The following POLR2F variants were observed in gnomAD, a reference collection of about 807,000 sequenced individuals.
POLR2F encodes the protein DNA-directed RNA polymerases I, II, and III subunit RPABC2.
POLR2F carries 12 observed loss-of-function variants against 22.7 expected under a neutral mutation model. That is an observed-to-expected ratio of 0.53 (90% CI 0.34 to 0.86). POLR2F has a LOEUF of 0.86. POLR2F is among the 40% of genes least tolerant of loss of function. POLR2F has a pLI of 0.02. For synonymous variants in POLR2F, 57 were observed against 66.0 expected (o/e 0.86, Z 0.66); for missense variants, 126 against 171.5 (o/e 0.73, Z 1.48).
chr22:38,030,321 C>A (rs915685261), downstream of POLR2F, among the ~76,000 whole-genome samples: 2 of 152,140 alleles, frequency 1.3e-5, no homozygotes, highest in African/African-American at 4.8e-5. Context: ...GCTTCACAAC[C>A]AGCTCTGTTT....
chr22:37,997,938 AG>A lies in POLR2F; in HGVS notation c.120+11629del, dbSNP rs779162282. On this transcript the variant is annotated intron_variant, in intron 1 of 2. Transcript: ENST00000333418. The surrounding 1 kb of genome is among the most constrained non-coding windows in gnomAD (Gnocchi z 4.4). ...TGTACCATCTCCTGGCGCGAGAGCC[AG>A]GGTTGCCCAGATTGATGGAAGAGCA... Among the ~76,000 whole-genome samples the A allele has an allele frequency of 4.3e-4, 65 of 152,214 alleles. No individual in the cohort carries two copies. The highest frequency in any genetic ancestry group is 7.6e-4 in the Non-Finnish European group (52 of 68,038).
intron 3 of POLR2F, among the ~76,000 whole-genome samples, chr22:37,966,658 T>A (rs531869749): frequency 7.2e-5 from 11 of 152,108 alleles, no homozygotes; most frequent in South Asian, 6.2e-4. Flanking sequence ...GGTGTATGCC[T>A]GTAGTCCCAA....
At chr22:37,953,697 A>G (rs1931220364), upstream of POLR2F, 1 of 1,492,168 alleles carries the variant, frequency 6.7e-7, no homozygotes, top group Non-Finnish European at 9.1e-7. Context: ...CAGGCGCAAG[A>G]TAAGCTAGGA....
chr22:38,034,321 C>G (rs573252660), intron 5 of POLR2F: 59 of 159,576 alleles, frequency 3.7e-4, no homozygotes, highest in Non-Finnish European at 1.5e-5. Flanking sequence ...GGCCTGGCAG[C>G]TTCCCCAGGC....
At chr22:38,004,789 A>T (rs1436376001) in intron 1 of POLR2F, among the ~76,000 whole-genome samples, 2 of 152,168 alleles carry the variant, frequency 1.3e-5, no homozygotes, top group Admixed American at 1.3e-4. Context: ...TACTAAAAAT[A>T]CAAAATTAGC....
rs569175170 is a variant in POLR2F, at chr22:37,968,222, C to G, written c.*507C>G. 1 of 985,496 alleles carries G rather than the reference C, an allele frequency of 1.0e-6. No individual in the cohort carries two copies. Among genetic ancestry groups the G allele is most frequent in the African/African-American group, 1.7e-5 (1 of 57,364 alleles). The allele number at this position is 985,496 out of a possible 1,614,324, so 61.0% of individuals were successfully genotyped here. Reference sequence around the variant, plus strand: ...CGGATCCCCTTTCAGGAGCAGTGCCCCAGCAGGAAGCGTGGGGGTGTGCTG... The same window carrying G: ...CGGATCCCCTTTCAGGAGCAGTGCCGCAGCAGGAAGCGTGGGGGTGTGCTG... On this transcript the variant is annotated 3_prime_UTR_variant, in exon 5 of 5. Transcript: ENST00000442738.
intron 1 of POLR2F, among the ~76,000 whole-genome samples, chr22:37,954,431 T>G (rs1471768277): frequency 1.3e-5 from 2 of 152,074 alleles, no homozygotes; most frequent in African/African-American, 4.8e-5. Context: ...GCCTCCCGAC[T>G]AGCTGGGATT....
chr22:38,027,815 C>T (rs2085028970), downstream of POLR2F, among the ~76,000 whole-genome samples: 1 of 152,216 alleles, frequency 6.6e-6, no homozygotes, highest in Admixed American at 6.5e-5. Context: ...GGCAAGGACA[C>T]TGGACACCCC....
At chr22:38,001,474 C>T (rs1239207516) in intron 1 of POLR2F, among the ~76,000 whole-genome samples, 2 of 152,124 alleles carry the variant, frequency 1.3e-5, no homozygotes, top group African/African-American at 4.8e-5. Flanking sequence ...ACACAGAGAG[C>T]GATGAGCACT....
At position 37,986,486 on chromosome 22, in the gene POLR2F, T is replaced by A; in HGVS notation, c.120+174T>A. 2.9e-6 allele frequency: 4 copies of A among 1,401,902 alleles called. No homozygotes were observed. The highest frequency in any genetic ancestry group is 3.9e-6 in the Non-Finnish European group (4 of 1,025,614). 86.8% of individuals were successfully genotyped at this position (1,401,902 alleles called of 1,614,324 possible). ...AATGTGGGGTCCCACAGCTGCCCCC[T>A]CTCTAACTCCCTGCTTCCTCCTTTG... On this transcript the variant is annotated intron_variant, in intron 1 of 2. Coordinates refer to the POLR2F transcript ENST00000333418. The surrounding 1 kb of genome is among the most constrained non-coding windows in gnomAD (Gnocchi z 4.7).
At chr22:38,026,528 G>A (rs2085011880) in exon 3 of POLR2F, 1 of 341,160 alleles carries the variant, frequency 2.9e-6, no homozygotes, top group African/African-American at 2.2e-5. Context: ...GGGAAGGCGG[G>A]ATGGCCCCTC....
At chr22:37,983,794 GGCCGCC>G (rs762578400), upstream of POLR2F, 18 of 1,419,862 alleles carry the variant, frequency 1.3e-5, no homozygotes, top group Admixed American at 1.3e-4. The surrounding 1 kb of genome is among the most constrained non-coding windows in gnomAD (Gnocchi z 9.5). Context: ...TGTCGCCCCC[GGCCGCC>G]GCCGCCGCCG....
intron 1 of POLR2F, among the ~76,000 whole-genome samples, chr22:38,002,150 T>C (rs922344768): frequency 7.2e-6 from 1 of 138,618 alleles, no homozygotes; most frequent in African/African-American, 2.8e-5. Context: ...ACACCTGGCC[T>C]TTTTTTTTTT....
At chr22:37,993,512 C>T (rs906491458) in intron 1 of POLR2F, among the ~76,000 whole-genome samples, 8 of 152,126 alleles carry the variant, frequency 5.3e-5, no homozygotes, top group Admixed American at 1.3e-4. Context: ...TCTTATTCTT[C>T]GCTGATGTCA....
chr22:38,001,946 G>T (rs1042031756), intron 1 of POLR2F, among the ~76,000 whole-genome samples: 2 of 151,966 alleles, frequency 1.3e-5, no homozygotes, highest in African/African-American at 4.8e-5. Context: ...TCCCACTTCC[G>T]CCTCCTGAGT....
At chr22:38,025,777 C>T in intron 1 of POLR2F, 4 of 1,549,398 alleles carry the variant, frequency 2.6e-6, no homozygotes, top group Non-Finnish European at 3.5e-6. Flanking sequence ...ATCCAGGGCA[C>T]TCAATCTGCA....
At chr22:38,028,288 T>G (rs547032562), downstream of POLR2F, among the ~76,000 whole-genome samples, 6 of 152,148 alleles carry the variant, frequency 3.9e-5, no homozygotes, top group African/African-American at 1.2e-4. Context: ...GCTGCTTTCC[T>G]GCTGCACGGC....
upstream of POLR2F, among the ~76,000 whole-genome samples, chr22:37,982,319 G>A (rs116566204): frequency 8.1e-3 from 1,234 of 152,262 alleles, 21 homozygotes; most frequent in African/African-American, 0.028. Context: ...TCAGTCTAGC[G>A]AGAATCAGGT....
Position 38,025,742 on chromosome 22 carries a change from T to C in POLR2F, c.121-127T>C, listed in dbSNP as rs1169788624. ...GCATAAACTGAGCCCAGGTTGCTGA[T>C]GGTCTCACCCGAGCTGAACACAGGA... On this transcript the variant is annotated intron_variant, in intron 1 of 2. Transcript: ENST00000333418. 3.3e-6 allele frequency: 5 copies of C among 1,527,882 alleles called. No homozygotes were observed. In the Admixed American group the frequency reaches 1.0e-4, roughly 32 times the overall value. The allele number at this position is 1,527,882 out of a possible 1,614,324, so 94.6% of individuals were successfully genotyped here.
Sources: allele counts gnomAD v4.1 joint callset (sites outside exome capture counted in the v4.1 genomes callset), GRCh38; gene constraint gnomAD v4.1.1; non-coding constraint Gnocchi (gnomAD v3.1); transcripts MANE v1.5; gene names NCBI Gene and HGNC (gene_info 2026-07-23, HGNC 2026-07-21).